Variants in KIAA0825 observed in about 807,000 individuals in gnomAD.
KIAA0825 encodes the protein uncharacterized protein KIAA0825.
KIAA0825 carries 119 observed loss-of-function variants against 147.6 expected under a neutral mutation model. That is an observed-to-expected ratio of 0.81 (90% CI 0.69 to 0.94). The LOEUF is 0.94. Among genes scored for constraint, KIAA0825 ranks in the 40% least tolerant of loss-of-function variants. KIAA0825 has a pLI of 0.00. For missense variants in KIAA0825, 1,381 were observed against 1,472.7 expected, an observed-to-expected ratio of 0.94 and a Z score of 1.02; for synonymous variants, 470 against 518.1, an observed-to-expected ratio of 0.91 and a Z score of 1.26.
chr5:94,593,392 C>T, intron 1 of KIAA0825: 1 of 989,630 alleles, frequency 1.0e-6, no homozygotes, highest in South Asian at 1.4e-5. Context: ...ACGACATTTT[C>T]AAGAACAACT....
chr5:94,327,332 T>G (rs13174927), intron 20 of KIAA0825, among the ~76,000 whole-genome samples: 15,871 of 151,804 alleles, frequency 0.1, 871 homozygotes, highest in Non-Finnish European at 0.12. Context: ...GCATAGAACA[T>G]GAATACTACT....
intron 2 of KIAA0825, chr5:94,570,514 T>C (rs1779763941): frequency 6.6e-6 from 1 of 152,346 alleles, no homozygotes; most frequent in Non-Finnish European, 1.5e-5. Flanking sequence ...AATTCCTATA[T>C]TGATTCCTAG....
At chr5:94,327,651 C>T (rs934118893) in intron 20 of KIAA0825, among the ~76,000 whole-genome samples, 7 of 152,080 alleles carry the variant, frequency 4.6e-5, no homozygotes, top group African/African-American at 1.7e-4. Flanking sequence ...CAAATATTTG[C>T]CTGAAAACCT....
intron 7 of KIAA0825, among the ~76,000 whole-genome samples, chr5:94,476,140 ACT>A (rs1190979328): frequency 6.6e-6 from 1 of 151,910 alleles, no homozygotes; most frequent in African/African-American, 2.4e-5. Flanking sequence ...AAAGGCGAAA[ACT>A]CTGTTAAAAC....
At position 94,189,037 on chromosome 5, in the gene KIAA0825, G is replaced by A. The variant is rs1770421608; in HGVS notation, c.3711-34913C>T. Among the ~76,000 whole-genome samples the A allele has an allele frequency of 2.6e-5, 4 of 152,232 alleles. No individual in the cohort carries two copies. The South Asian group carries it at 8.3e-4, about 32-fold the overall frequency. On this transcript the variant is annotated intron_variant, in intron 20 of 20. Coordinates refer to ENST00000682413, the MANE Select transcript of KIAA0825 (RefSeq NM_001145678.3). ...TCCCTGAGATAACTATCAATGTTGA[G>A]TATCTTTACCTGTGCTCGTTGGCCA...
intron 20 of KIAA0825, among the ~76,000 whole-genome samples, chr5:94,198,201 T>C (rs1042902558): frequency 2.0e-5 from 3 of 152,120 alleles, no homozygotes; most frequent in Admixed American, 6.5e-5. Context: ...TTCCTAGGTA[T>C]TTTATTCCTT....
intron 2 of KIAA0825, among the ~76,000 whole-genome samples, chr5:94,564,954 TTTC>T (rs1300778085): frequency 3.2e-4 from 46 of 145,142 alleles, no homozygotes; most frequent in African/African-American, 1.2e-3. Context: ...TCCCTTTTCT[TTTC>T]TTTTCTTTTC....
At chr5:94,537,452 C>CTCGTT (rs1772285230) in intron 2 of KIAA0825, among the ~76,000 whole-genome samples, 1 of 152,000 alleles carries the variant, frequency 6.6e-6, no homozygotes, top group Non-Finnish European at 1.5e-5. Context: ...GAGATTGAGA[C>CTCGTT]CATCCTGGCT....
Position 94,345,241 on chromosome 5 carries a change from G to T in KIAA0825, c.3710+39127C>A, listed in dbSNP as rs192331898. Among the ~76,000 whole-genome samples, 391 of 152,184 alleles carry T rather than the reference G, an allele frequency of 2.6e-3. 1 individual carries two copies. The highest frequency in any genetic ancestry group is 3.0e-3 in the Non-Finnish European group (206 of 68,002). On this transcript the variant is annotated intron_variant, in intron 20 of 20. Transcript: ENST00000682413. ...CATAGGTTATCAGTGGTGTTTAAAT[G>T]AACGTTTGCCTTATGATACTTTATA...
intron 20 of KIAA0825, among the ~76,000 whole-genome samples, chr5:94,173,187 G>T (rs1768792002): frequency 6.8e-6 from 1 of 146,558 alleles, no homozygotes; most frequent in Admixed American, 6.7e-5. Context: ...AGTGAGAAAA[G>T]ATGCTGTTAC....
intron 2 of KIAA0825, among the ~76,000 whole-genome samples, chr5:94,549,128 A>G (rs1318037203): frequency 2.0e-5 from 3 of 152,202 alleles, no homozygotes; most frequent in African/African-American, 7.2e-5. Context: ...GCTGAAGAAT[A>G]CATTTTTTCA....
chr5:94,523,547 GC>G (rs1401795026), intron 4 of KIAA0825, among the ~76,000 whole-genome samples: 1 of 151,464 alleles, frequency 6.6e-6, no homozygotes, highest in East Asian at 1.9e-4. Context: ...ATCTTATTAT[GC>G]TTTAATAATG....
In KIAA0825 at chr5:94,607,882, T is replaced by C. The variant is rs751659838; in HGVS notation, c.-153+10618A>G. Reference sequence around the variant, plus strand: ...CCTCATTCCTTGACTTGTGGCCCACTTCCTCCATTTTCTAGCTAGCTATAT... The same window carrying C: ...CCTCATTCCTTGACTTGTGGCCCACCTCCTCCATTTTCTAGCTAGCTATAT... On this transcript the variant is annotated intron_variant, in intron 1 of 20. Coordinates refer to ENST00000682413, the MANE Select transcript of KIAA0825 (RefSeq NM_001145678.3). Among the ~76,000 whole-genome samples, 25 of 152,276 alleles carry C rather than the reference T, an allele frequency of 1.6e-4. 1 individual carries two copies. In the South Asian group the frequency reaches 5.0e-3, roughly 30 times the overall value.
chr5:94,183,383 G>T (rs964280584), intron 20 of KIAA0825, among the ~76,000 whole-genome samples: 1 of 152,146 alleles, frequency 6.6e-6, no homozygotes, highest in African/African-American at 2.4e-5. Flanking sequence ...AGCATGTTTT[G>T]TTATAAATCT....
intron 2 of KIAA0825, among the ~76,000 whole-genome samples, chr5:94,572,897 C>T (rs777385974): frequency 3.0e-4 from 46 of 152,118 alleles, no homozygotes; most frequent in African/African-American, 9.6e-4. Context: ...TAAGTGTTGG[C>T]GAAAAGAATC....
intron 20 of KIAA0825, among the ~76,000 whole-genome samples, chr5:94,326,526 T>C (rs1413669672): frequency 6.6e-6 from 1 of 152,176 alleles, no homozygotes. Flanking sequence ...ACTAAGGCAA[T>C]TGAATCGGTT....
rs1175360792 is a variant in KIAA0825 at position 94,152,856 on chromosome 5, TTATATATATATATATATATATA to T, written c.*1129_*1150del. ...AAAAAAAAAAAAAAAAAAAAAAAAA[TTATATATATATATATATATATA>T]TATATATATATATATATATATATAT... On this transcript the variant is annotated 3_prime_UTR_variant, in exon 21 of 21. Coordinates refer to ENST00000682413, the MANE Select transcript of KIAA0825 (RefSeq NM_001145678.3). 2.5e-3 allele frequency: 7 copies of T among 2,774 alleles called. No homozygotes were observed. The highest frequency in any genetic ancestry group is 7.7e-3 in the Admixed American group (1 of 130). 0.2% of individuals were successfully genotyped at this position (2,774 alleles called of 1,614,324 possible). A position where few individuals can be genotyped will look rare whatever the true frequency, so the allele number is the denominator to read the frequency against.
chr5:94,205,299 A>ATATATATATTTTTT (rs1254935243), intron 20 of KIAA0825, among the ~76,000 whole-genome samples: 7 of 137,906 alleles, frequency 5.1e-5, no homozygotes, highest in African/African-American at 1.7e-4. Flanking sequence ...ATATATATAT[A>ATATATATATTTTTT]TTTTGTTTTG....
At chr5:94,344,081 G>C (rs1012665999) in intron 20 of KIAA0825, among the ~76,000 whole-genome samples, 2 of 152,178 alleles carry the variant, frequency 1.3e-5, no homozygotes, top group African/African-American at 2.4e-5. Flanking sequence ...TGCCTACCCT[G>C]TGATCCAGAA....
Sources: allele counts gnomAD v4.1 joint callset (sites outside exome capture counted in the v4.1 genomes callset), GRCh38; gene constraint gnomAD v4.1.1; transcripts MANE v1.5; gene names NCBI Gene and HGNC (gene_info 2026-07-23, HGNC 2026-07-21).